Variants in LEPR observed in about 807,000 individuals in gnomAD.
The protein encoded by LEPR is leptin receptor, also known as OB receptor.
Under a neutral mutation model 114.7 loss-of-function variants are expected in LEPR, and 56 were observed. That is an observed-to-expected ratio of 0.49 (90% CI 0.39 to 0.61). The LOEUF (loss-of-function observed/expected upper bound fraction) is 0.61, where lower values mean the gene tolerates loss of function less well. Among genes scored for constraint, LEPR ranks in the 20% least tolerant of loss-of-function variants. LEPR has a pLI of 0.00. For synonymous variants in LEPR, 443 were observed against 461.4 expected (o/e 0.96, Z 0.51); for missense variants, 1,202 against 1,352.9 (o/e 0.89, Z 1.75).
intron 1 of LEPR, among the ~76,000 whole-genome samples, chr1:65,420,978 G>T (rs1031269485): frequency 1.3e-5 from 2 of 152,138 alleles, no homozygotes; most frequent in African/African-American, 2.4e-5. Context: ...CTCCAGTGGC[G>T]GCACCAGACC....
intron 14 of LEPR, among the ~76,000 whole-genome samples, chr1:65,614,908 G>T (rs1172995267): frequency 1.3e-5 from 2 of 152,020 alleles, no homozygotes; most frequent in Non-Finnish European, 2.9e-5. Context: ...CTAATTTTAG[G>T]GTTGGGGCAG....
At chr1:65,453,226 A>G (rs1646814357) in intron 2 of LEPR, among the ~76,000 whole-genome samples, 1 of 151,938 alleles carries the variant, frequency 6.6e-6, no homozygotes, top group African/African-American at 2.4e-5. Context: ...CTTTCAAAAA[A>G]CCAGCTCCTG....
intron 19 of LEPR, among the ~76,000 whole-genome samples, chr1:65,632,270 G>T (rs954201755): frequency 6.6e-6 from 1 of 152,080 alleles, no homozygotes; most frequent in African/African-American, 2.4e-5. Context: ...TAGAAGTTCT[G>T]TTTAGAAGTA....
At chr1:65,436,846 C>G (rs1159154664) in intron 2 of LEPR, among the ~76,000 whole-genome samples, 1 of 152,114 alleles carries the variant, frequency 6.6e-6, no homozygotes, top group African/African-American at 2.4e-5. Flanking sequence ...ATAATAAAAC[C>G]ATCAGTTCAA....
chr1:65,618,280 C>T (rs746896330), intron 16 of LEPR, 134 bp downstream of exon 16: 3 of 652,562 alleles, frequency 4.6e-6, no homozygotes, highest in Non-Finnish European at 7.3e-6. Flanking sequence ...ACATATAATC[C>T]TATAACCTTT....
chr1:65,633,449 T>C lies in LEPR; in HGVS notation c.2674-2742T>C, dbSNP rs1405752151. The C allele has an allele frequency of 7.9e-7, 1 of 1,260,518 alleles. No homozygotes were observed. Among genetic ancestry groups the C allele is most frequent in the Non-Finnish European group, 1.0e-6 (1 of 1,003,132 alleles). The allele number at this position is 1,260,518 out of a possible 1,614,324, so 78.1% of individuals were successfully genotyped here. On this transcript the variant is annotated intron_variant, in intron 19 of 19. Transcript: ENST00000349533. This position sits in a 1 kb window ranked among gnomAD's most constrained non-coding sequence, Gnocchi z 4.1. ...GTATTCATGATTTCTGGCTTTTGAT[T>C]TGTCATATTCCTGGTCATAAAACAT...
chr1:65,599,751 A>G (rs1447790661), intron 8 of LEPR, among the ~76,000 whole-genome samples: 3 of 152,090 alleles, frequency 2.0e-5, no homozygotes, highest in Admixed American at 1.3e-4. Flanking sequence ...AATAATTAAC[A>G]TTGGTCATGT....
chr1:65,579,524 A>G (rs1654835146), intron 5 of LEPR, among the ~76,000 whole-genome samples: 1 of 152,238 alleles, frequency 6.6e-6, no homozygotes, highest in Non-Finnish European at 1.5e-5. Flanking sequence ...ATGAAGATAT[A>G]TTTGAAGCTC....
chr1:65,530,333 G>A (rs574202050), intron 2 of LEPR, among the ~76,000 whole-genome samples: 1 of 152,110 alleles, frequency 6.6e-6, no homozygotes, highest in South Asian at 2.1e-4. Context: ...ACAGGAAAGG[G>A]GTCCCAATCC....
At chr1:65,596,737 T>G (rs1300058334) in intron 7 of LEPR, 144 bp downstream of exon 7, 1 of 712,446 alleles carries the variant, frequency 1.4e-6, no homozygotes, top group Non-Finnish European at 2.3e-6. Context: ...TCATATTATA[T>G]ATCATATATA....
chr1:65,426,864 G>A (rs561410635), intron 2 of LEPR, among the ~76,000 whole-genome samples: 163 of 152,204 alleles, frequency 1.1e-3, no homozygotes, highest in Non-Finnish European at 1.9e-3. Context: ...TGGGCGTGGT[G>A]GCACACGCCT....
chr1:65,548,173 C>T (rs922955863), intron 2 of LEPR, among the ~76,000 whole-genome samples: 94 of 152,226 alleles, frequency 6.2e-4, no homozygotes, highest in African/African-American at 2.2e-3. Context: ...GTCTGAGAGA[C>T]AGTTTGTTAT....
chr1:65,545,299 T>G (rs1272439177), intron 2 of LEPR, among the ~76,000 whole-genome samples: 3 of 152,016 alleles, frequency 2.0e-5, no homozygotes, highest in African/African-American at 7.3e-5. Flanking sequence ...CAGCATGATT[T>G]ATAGTCCTTT....
intron 19 of LEPR, 95 bp downstream of exon 19, chr1:65,623,076 AG>A: frequency 8.3e-7 from 1 of 1,204,328 alleles, no homozygotes; most frequent in South Asian, 1.3e-5. Context: ...AAGATTTAAA[AG>A]GTCATATTTT....
At chr1:65,547,450 G>C (rs1419022706) in intron 2 of LEPR, among the ~76,000 whole-genome samples, 2 of 151,192 alleles carry the variant, frequency 1.3e-5, no homozygotes, top group Non-Finnish European at 3.0e-5. Context: ...ACTCTTTTTG[G>C]TTGGTAAGCT....
intron 2 of LEPR, among the ~76,000 whole-genome samples, chr1:65,526,868 A>T (rs1456052687): frequency 6.6e-6 from 1 of 152,206 alleles, no homozygotes; most frequent in Non-Finnish European, 1.5e-5. Flanking sequence ...TCATAATTTC[A>T]TGAAATAAAA....
intron 2 of LEPR, among the ~76,000 whole-genome samples, chr1:65,516,209 C>G (rs1040212621): frequency 6.6e-6 from 1 of 151,818 alleles, no homozygotes; most frequent in Non-Finnish European, 1.5e-5. Flanking sequence ...CTGAGGCAGG[C>G]GGATCACAAG....
chr1:65,464,470 A>G (rs941411189), intron 2 of LEPR, among the ~76,000 whole-genome samples: 4 of 152,168 alleles, frequency 2.6e-5, no homozygotes, highest in Non-Finnish European at 5.9e-5. Flanking sequence ...CATGAGGGAT[A>G]TTGGCCTAAA....
intron 10 of LEPR, among the ~76,000 whole-genome samples, chr1:65,603,241 C>T (rs1332966244): frequency 1.3e-5 from 2 of 151,964 alleles, no homozygotes; most frequent in African/African-American, 4.8e-5. Flanking sequence ...ATGATGCCAA[C>T]TTTTCGATTT....
Sources: gnomAD v4.1 joint callset for allele counts (sites outside exome capture counted in the v4.1 genomes callset) on GRCh38, gnomAD v4.1.1 for gene constraint, Gnocchi (gnomAD v3.1) non-coding constraint, MANE v1.5 for transcripts, NCBI Gene and HGNC (gene_info 2026-07-23, HGNC 2026-07-21) for gene names.